CRPPA: variants seen among roughly 807,000 people sequenced by gnomAD.
The protein encoded by CRPPA is CDP-L-ribitol pyrophosphorylase A.
In CRPPA, 43 loss-of-function variants were observed where a neutral mutation model predicts 52.0. The observed-to-expected ratio is 0.83, with a 90% CI of 0.65 to 1.07. CRPPA has a LOEUF of 1.07. Among genes scored for constraint, CRPPA ranks in the 50% least tolerant of loss-of-function variants. The probability of loss-of-function intolerance (pLI) is 0.00; values close to 1 mark genes in which losing one functional copy is unlikely to be tolerated. For missense variants in CRPPA, 629 were observed against 551.7 expected (o/e 1.14, Z -1.40); for synonymous variants, 250 against 203.5 (o/e 1.23, Z -1.94).
chr7:16,206,588 G>GT (rs1338925361), intron 9 of CRPPA, among the ~76,000 whole-genome samples: 1 of 151,864 alleles, frequency 6.6e-6, no homozygotes, highest in Non-Finnish European at 1.5e-5. Flanking sequence ...AAAGAACATA[G>GT]TAAAAATTAA....
chr7:16,212,882 G>C (rs1163987973), intron 9 of CRPPA, among the ~76,000 whole-genome samples: 3 of 151,542 alleles, frequency 2.0e-5, no homozygotes, highest in Non-Finnish European at 4.4e-5. Flanking sequence ...AGTTATAATA[G>C]TTTATGGGAA....
chr7:16,391,370 T>C (rs1231354669), intron 2 of CRPPA, among the ~76,000 whole-genome samples: 2 of 152,158 alleles, frequency 1.3e-5, no homozygotes, highest in Non-Finnish European at 2.9e-5. Context: ...CTGTCTCTGC[T>C]ATCCAAGTCC....
intron 3 of CRPPA, 42 bp downstream of exon 3, chr7:16,376,050 C>A (rs778505899): frequency 5.9e-6 from 9 of 1,535,878 alleles, no homozygotes; most frequent in South Asian, 3.7e-5. Context: ...GTTTGGGGAA[C>A]CTGACATAAC....
At chr7:16,416,851 A>G (rs1257727186) in intron 1 of CRPPA, among the ~76,000 whole-genome samples, 1 of 151,770 alleles carries the variant, frequency 6.6e-6, no homozygotes, top group African/African-American at 2.4e-5. Flanking sequence ...CCAAAAAAAC[A>G]ATAGAGCTTC....
chr7:16,219,972 C>T (rs1175674596), intron 8 of CRPPA, among the ~76,000 whole-genome samples: 34 of 146,148 alleles, frequency 2.3e-4, no homozygotes, highest in Non-Finnish European at 2.3e-4. Context: ...ATACCAAAGC[C>T]GGGCAGAGAC....
intron 2 of CRPPA, among the ~76,000 whole-genome samples, chr7:16,398,328 C>A (rs1365830141): frequency 1.3e-5 from 2 of 150,574 alleles, no homozygotes; most frequent in Admixed American, 1.3e-4. Flanking sequence ...AACACATGAT[C>A]AATACGTTAT....
At chr7:16,216,004 A>C in intron 9 of CRPPA, 62 bp downstream of exon 9, 1 of 1,281,944 alleles carries the variant, frequency 7.8e-7, no homozygotes, top group Non-Finnish European at 1.1e-6. Context: ...TTAACAAATC[A>C]GATACCTACC....
chr7:16,245,293 T>G (rs1302314277), intron 8 of CRPPA, among the ~76,000 whole-genome samples: 1 of 152,236 alleles, frequency 6.6e-6, no homozygotes, highest in Non-Finnish European at 1.5e-5. Context: ...ATTTAAGACT[T>G]TCATTTTACT....
chr7:16,412,830 C>A (rs1018864783), intron 1 of CRPPA, among the ~76,000 whole-genome samples: 1 of 152,140 alleles, frequency 6.6e-6, no homozygotes, highest in African/African-American at 2.4e-5. Flanking sequence ...AGGAACCTAG[C>A]CTTAAGCTCT....
chr7:16,349,215 G>T (rs2128307494), intron 3 of CRPPA, among the ~76,000 whole-genome samples: 1 of 152,286 alleles, frequency 6.6e-6, no homozygotes, highest in East Asian at 1.9e-4. Flanking sequence ...CTGCCAGGAT[G>T]TGGCACATCC....
chr7:16,202,225 C>A (rs1302653894), intron 9 of CRPPA, among the ~76,000 whole-genome samples: 2 of 152,128 alleles, frequency 1.3e-5, no homozygotes, highest in Non-Finnish European at 2.9e-5. Flanking sequence ...TACTAGCCTA[C>A]AATTTGTAAT....
intron 5 of CRPPA, among the ~76,000 whole-genome samples, chr7:16,297,216 G>A (rs1784692118): frequency 6.6e-6 from 1 of 152,164 alleles, no homozygotes; most frequent in South Asian, 2.1e-4. Context: ...ACTGCAAAAT[G>A]AGAGCAATGT....
At chr7:16,240,821 T>C (rs1783087747) in intron 8 of CRPPA, among the ~76,000 whole-genome samples, 1 of 152,164 alleles carries the variant, frequency 6.6e-6, no homozygotes, top group Non-Finnish European at 1.5e-5. Flanking sequence ...GTCTGGGATC[T>C]GGTATTAAAT....
At chr7:16,387,070 T>G (rs1054007920) in intron 2 of CRPPA, among the ~76,000 whole-genome samples, 1 of 67,610 alleles carries the variant, frequency 1.5e-5, no homozygotes, top group African/African-American at 8.3e-5. Context: ...TATATATATA[T>G]ATATATATAT....
chr7:16,307,720 A>G (rs2128424528), intron 4 of CRPPA, among the ~76,000 whole-genome samples: 1 of 151,586 alleles, frequency 6.6e-6, no homozygotes, highest in East Asian at 1.9e-4. Flanking sequence ...TAGCCATTAA[A>G]AGAACTGGGC....
chr7:16,325,954 T>C (rs1489919608), intron 3 of CRPPA, among the ~76,000 whole-genome samples: 1 of 152,008 alleles, frequency 6.6e-6, no homozygotes, highest in African/African-American at 2.4e-5. Flanking sequence ...CAAGAACTAC[T>C]GTTAAAAACA....
intron 3 of CRPPA, among the ~76,000 whole-genome samples, chr7:16,344,690 A>G (rs781034528): frequency 1.3e-5 from 2 of 152,184 alleles, no homozygotes; most frequent in African/African-American, 4.8e-5. Flanking sequence ...AGAAAAAGGT[A>G]TAAGTTCTGG....
At chr7:16,331,418 C>T (rs190632371) in intron 3 of CRPPA, among the ~76,000 whole-genome samples, 189 of 152,280 alleles carry the variant, frequency 1.2e-3, no homozygotes, top group African/African-American at 4.4e-3. Context: ...ACTGCAGATC[C>T]TTCTACCCAA....
At chr7:16,238,201 A>G (rs1250575994) in intron 8 of CRPPA, among the ~76,000 whole-genome samples, 1 of 152,202 alleles carries the variant, frequency 6.6e-6, no homozygotes, top group East Asian at 1.9e-4. Context: ...AGAATATTTC[A>G]GAAATCTAAA....
Sources: gnomAD v4.1 joint callset for allele counts (sites outside exome capture counted in the v4.1 genomes callset) on GRCh38, gnomAD v4.1.1 for gene constraint, MANE v1.5 for transcripts, NCBI Gene and HGNC (gene_info 2026-07-23, HGNC 2026-07-21) for gene names.